Variants in DBN1 observed in about 807,000 individuals in gnomAD.
DBN1 encodes the protein drebrin.
A neutral mutation model predicts 83.5 loss-of-function variants in DBN1; 21 were observed. That is an observed-to-expected ratio of 0.25 (90% CI 0.18 to 0.36). DBN1 has a LOEUF of 0.36. Among genes scored for constraint, DBN1 ranks in the 10% least tolerant of loss-of-function variants. The pLI, the probability that DBN1 is intolerant of heterozygous loss-of-function variation, is 1.00. For synonymous variants in DBN1, 381 were observed against 384.9 expected (o/e 0.99, Z 0.12); for missense variants, 874 against 935.7 (o/e 0.93, Z 0.86).
At chr5:177,462,967 G>A (rs1051240411) in intron 8 of DBN1, among the ~76,000 whole-genome samples, 1 of 152,014 alleles carries the variant, frequency 6.6e-6, no homozygotes, top group Non-Finnish European at 1.5e-5. Context: ...TTGCTGCTCT[G>A]CCCACTGCCT....
chr5:177,468,619 C>T (rs953201140), intron 2 of DBN1: 3 of 427,272 alleles, frequency 7.0e-6, no homozygotes, highest in Non-Finnish European at 8.3e-6. Context: ...GTCACTTTCC[C>T]TGTTGGAGGC....
intron 12 of DBN1, 26 bp from the exon 13 acceptor site, chr5:177,458,733 A>G (rs1410059465): frequency 2.0e-6 from 3 of 1,484,686 alleles, no homozygotes; most frequent in Non-Finnish European, 1.8e-6. Context: ...CAGAGGAGAT[A>G]TGTAACCGGC....
At chr5:177,473,364 G>C in intron 1 of DBN1, 72 bp downstream of exon 1, 1 of 920,398 alleles carries the variant, frequency 1.1e-6, no homozygotes, top group Non-Finnish European at 1.5e-6. Context: ...CGGGGCGGCG[G>C]GGCGGGAGAG....
rs1757450162 is a variant in DBN1, at chr5:177,466,507, G to T, written c.771+265C>A. Among the ~76,000 whole-genome samples the T allele has an allele frequency of 6.6e-6, 1 of 152,206 alleles. No individual in the cohort carries two copies. The highest frequency in any genetic ancestry group is 1.5e-5 in the Non-Finnish European group (1 of 68,034). On this transcript the variant is annotated intron_variant, in intron 8 of 14. Transcript: ENST00000393565. The surrounding 1 kb of genome is among the most constrained non-coding windows in gnomAD (Gnocchi z 4.8). ...CCCAGGGCAGGGGAGGGGGAGCCTG[G>T]TCAGTGAGGGTCTGGGTCTAGATGG...
rs201033708 is a variant in DBN1, at chr5:177,459,194, C to T, written c.1168G>A (p.Ala390Thr). The T allele has an allele frequency of 3.2e-5, 52 of 1,611,092 alleles. No homozygotes were observed. In the South Asian group the frequency reaches 3.6e-4, roughly 11 times the overall value. ...ATCTGCTCAGCGACAGGGGTGGAGGCGGTGCTGGAGTCAGACGGGCTCCGC... is the reference window on the plus strand; with the variant it reads ...ATCTGCTCAGCGACAGGGGTGGAGGTGGTGCTGGAGTCAGACGGGCTCCGC... ...PTRSPSDSST[A>T]STPVAEQIER... The change falls in exon 12 of 15, where the codon GCC becomes ACC. Residue 390 changes from alanine to threonine, a missense_variant. Ala to Thr is a moderately conservative substitution (Grantham distance 58). This residue lies in a region of DBN1 where 725 missense variants were observed against 719.7 expected (regional missense o/e 1.01). Coordinates refer to ENST00000393565, the MANE Select transcript of DBN1 (RefSeq NM_001363541.2).
intron 8 of DBN1, among the ~76,000 whole-genome samples, chr5:177,463,544 AC>A (rs1331515315): frequency 6.6e-6 from 1 of 152,236 alleles, no homozygotes; most frequent in South Asian, 2.1e-4. Flanking sequence ...AGAGAAAGCA[AC>A]AGCTCCTTAA....
intron 1 of DBN1, chr5:177,472,731 T>A (rs1757940893): frequency 1.0e-6 from 1 of 959,242 alleles, no homozygotes; most frequent in Non-Finnish European, 1.3e-6. Flanking sequence ...CCAGCCCAGC[T>A]GCCTAGTCCC....
At position 177,473,544 on chromosome 5, in the gene DBN1, ACGGACAGACGCG is replaced by A. The variant is rs1758003011; in HGVS notation, c.-35_-24del. 1 of 1,280,394 alleles carries A rather than the reference ACGGACAGACGCG, an allele frequency of 7.8e-7. No homozygotes were observed. The highest frequency in any genetic ancestry group is 3.2e-5 in the Admixed American group (1 of 31,704). 79.3% of individuals were successfully genotyped at this position (1,280,394 alleles called of 1,614,324 possible). ...CATGCTTCGGGCCGGACCGGGCCGA[ACGGACAGACGCG>A]CGGACGGACGGGCGGACGGAGGAGG... On this transcript the variant is annotated 5_prime_UTR_variant, in exon 1 of 15. Transcript: ENST00000393565.
chr5:177,468,219 T>C lies in DBN1; in HGVS notation c.144A>G (p.Glu48=). ...SDDLKLAASG[E]GGLQELSGHF... ...GTCCCGAAAGCTCCTGCAAGCCCCC[T>C]TCTAGGGTAATCAGGAGAGTGTCAG... The change falls in exon 3 of 15, where the codon GAA becomes GAG. Residue 48 remains glutamate, a splice_region_variant and synonymous_variant. Coordinates refer to ENST00000393565, the MANE Select transcript of DBN1 (RefSeq NM_001363541.2). The C allele has an allele frequency of 6.2e-7, 1 of 1,613,504 alleles. No individual in the cohort carries two copies. Among genetic ancestry groups the C allele is most frequent in the Middle Eastern group, 1.7e-4 (1 of 6,058 alleles).
At chr5:177,468,770 C>T (rs539330180) in intron 2 of DBN1, 74 bp downstream of exon 2, 3 of 1,080,504 alleles carry the variant, frequency 2.8e-6, no homozygotes, top group South Asian at 7.1e-5. Context: ...TGGCCTACAG[C>T]CAGGTGGGTG....
In DBN1 at chr5:177,472,235, C is replaced by T. The variant is rs376558612; in HGVS notation, c.86+1201G>A. ...TCTCATCCTCTCCTCCAGAAGCCCC[C>T]AGGTCAGAGTCCCCACCTGGCTGCC... is the stretch of plus-strand genomic sequence containing the variant. On this transcript the variant is annotated intron_variant, in intron 1 of 14. Transcript: ENST00000393565. 2.8e-4 allele frequency: 450 copies of T among 1,613,454 alleles called. 7 individuals carry two copies. In the South Asian group the frequency reaches 4.5e-3, roughly 16 times the overall value.
At position 177,467,407 on chromosome 5, in the gene DBN1, A is replaced by G. The variant is rs1757522363; in HGVS notation, c.477+74T>C. 3 of 1,613,622 alleles carry G rather than the reference A, an allele frequency of 1.9e-6. No individual in the cohort carries two copies. The highest frequency in any genetic ancestry group is 1.3e-5 in the African/African-American group (1 of 75,042). On this transcript the variant is annotated intron_variant, in intron 5 of 14. Transcript: ENST00000393565. The surrounding 1 kb of genome is among the most constrained non-coding windows in gnomAD (Gnocchi z 9.1). ...CCCGACACCTAAAGGGTGAGAGCTA[A>G]GAGGGACCGGGCAGGCCAGACTCGG...
In DBN1 at chr5:177,457,253, G is replaced by A; in HGVS notation, c.*180C>T. The A allele has an allele frequency of 1.6e-6, 1 of 620,130 alleles. No homozygotes were observed. Among genetic ancestry groups the A allele is most frequent in the East Asian group, 2.7e-5 (1 of 36,794 alleles). 38.4% of individuals were successfully genotyped at this position (620,130 alleles called of 1,614,324 possible). On this transcript the variant is annotated 3_prime_UTR_variant, in exon 15 of 15. Transcript: ENST00000393565. ...GTCTCCTATCAACTTTTTAAAAAAA[G>A]AGAAAAGCTGTAAAAGTCAGGCCCT... is the stretch of plus-strand genomic sequence containing the variant.
rs1395371567 is a variant in DBN1 at position 177,473,579 on chromosome 5, A to AGGAG, written c.-62_-59dup. 3.9e-6 allele frequency: 4 copies of AGGAG among 1,025,514 alleles called. No individual in the cohort carries two copies. The highest frequency in any genetic ancestry group is 4.8e-6 in the Non-Finnish European group (4 of 826,676). 63.5% of individuals were successfully genotyped at this position (1,025,514 alleles called of 1,614,324 possible). A position where few individuals can be genotyped will look rare whatever the true frequency, so the allele number is the denominator to read the frequency against. Reference sequence around the variant, plus strand: ...GCGCGGACGGACGGGCGGACGGAGGAGGAGGGAGGGAAAGAGGGAGTCGCC... The same window carrying AGGAG: ...GCGCGGACGGACGGGCGGACGGAGGAGGAGGGAGGGAGGGAAAGAGGGAGTCGCC... On this transcript the variant is annotated 5_prime_UTR_variant, in exon 1 of 15. Transcript: ENST00000393565.
In DBN1 at chr5:177,457,649, T is replaced by C. The variant is rs1444683199; in HGVS notation, c.2017+6A>G. The C allele has an allele frequency of 1.0e-5, 16 of 1,587,054 alleles. No homozygotes were observed. Among genetic ancestry groups the C allele is most frequent in the Non-Finnish European group, 1.4e-5 (16 of 1,156,716 alleles). On this transcript the variant is annotated splice_donor_region_variant and intron_variant, in intron 14 of 14. Coordinates refer to ENST00000393565, the MANE Select transcript of DBN1 (RefSeq NM_001363541.2). ...AATTCCTCCCCATCATCCAGCCCAG[T>C]ACTACCTGGAGGCTTGTTGTAGAAC...
intron 8 of DBN1, among the ~76,000 whole-genome samples, chr5:177,464,909 C>T (rs1757323998): frequency 6.6e-6 from 1 of 152,058 alleles, no homozygotes; most frequent in Non-Finnish European, 1.5e-5. Flanking sequence ...AATCCCAGCA[C>T]TTTGGGTGGC....
chr5:177,458,730 G>A (rs186219130), intron 12 of DBN1, 23 bp from the exon 13 acceptor site: 4 of 1,490,998 alleles, frequency 2.7e-6, no homozygotes, highest in Non-Finnish European at 3.5e-6. Context: ...AGGCAGAGGA[G>A]ATATGTAACC....
At position 177,467,689 on chromosome 5, in the gene DBN1, C is replaced by T. The variant is rs115121805; in HGVS notation, c.330+54G>A. 1.2e-3 allele frequency: 1,844 copies of T among 1,554,390 alleles called. 21 individuals are homozygous for T. In the African/African-American group the frequency reaches 0.021, roughly 18 times the overall value. On this transcript the variant is annotated intron_variant, in intron 4 of 14. Transcript: ENST00000393565. The surrounding 1 kb of genome is among the most constrained non-coding windows in gnomAD (Gnocchi z 9.1). The stretch of plus-strand genomic sequence containing the variant: ...TCCTCCCGCCATCCCCACCCCAGCA[C>T]GCAGACCCTGGTGGCTGTCCCCACC...
intron 12 of DBN1, 91 bp from the exon 13 acceptor site, chr5:177,458,798 G>T: frequency 7.9e-7 from 1 of 1,273,680 alleles, no homozygotes. Context: ...AGGGAGCCAG[G>T]GACTTCCATG....
Sources: gnomAD v4.1 joint callset for allele counts (sites outside exome capture counted in the v4.1 genomes callset) on GRCh38, gnomAD v4.1.1 for gene constraint, gnomAD v4.1.1 regional missense constraint, Gnocchi (gnomAD v3.1) non-coding constraint, MANE v1.5 for transcripts, NCBI Gene and HGNC (gene_info 2026-07-23, HGNC 2026-07-21) for gene names.